Variants in PTPRD observed in about 807,000 individuals in gnomAD.
The protein encoded by PTPRD is protein tyrosine phosphatase receptor type D, also known as receptor-type tyrosine-protein phosphatase delta.
In PTPRD, 34 loss-of-function variants were observed where a neutral mutation model predicts 214.5. The ratio of observed to expected loss-of-function variants is 0.16; its 90% CI spans 0.12 to 0.21. The LOEUF is 0.21. Among genes scored for constraint, PTPRD ranks in the 10% least tolerant of loss-of-function variants. PTPRD has a pLI of 1.00. For synonymous variants in PTPRD, 1,128 were observed against 845.7 expected (o/e 1.33, Z -5.79); for missense variants, 2,545 against 2,398.7 (o/e 1.06, Z -1.27).
At chr9:10,368,494 G>C (rs2097554279) in intron 2 of PTPRD, among the ~76,000 whole-genome samples, 1 of 152,004 alleles carries the variant, frequency 6.6e-6, no homozygotes, top group African/African-American at 2.4e-5. Flanking sequence ...AATGCAATGG[G>C]TTTTGTTTAA....
At chr9:8,387,904 G>A (rs940223671) in intron 37 of PTPRD, among the ~76,000 whole-genome samples, 2 of 152,158 alleles carry the variant, frequency 1.3e-5, no homozygotes, top group South Asian at 4.1e-4. Context: ...TGATATATAG[G>A]AGTTACCTTA....
intron 7 of PTPRD, among the ~76,000 whole-genome samples, chr9:9,668,442 T>C (rs2096764878): frequency 6.6e-6 from 1 of 152,220 alleles, no homozygotes; most frequent in East Asian, 1.9e-4. Context: ...TTAGAATATA[T>C]TGTATTAATC....
intron 11 of PTPRD, among the ~76,000 whole-genome samples, chr9:8,948,031 T>C (rs2099076621): frequency 6.6e-6 from 1 of 151,136 alleles, no homozygotes; most frequent in South Asian, 2.1e-4. Flanking sequence ...CTTTTTTTTT[T>C]TTTTTTTGAG....
At position 9,784,037 on chromosome 9, in the gene PTPRD, T is replaced by C. The variant is rs1171287428; in HGVS notation, c.-367-17186A>G. 2.0e-5 allele frequency among the ~76,000 whole-genome samples: 3 copies of C among 152,026 alleles called. No homozygotes were observed. The East Asian group carries it at 5.8e-4, about 29-fold the overall frequency. On this transcript the variant is annotated intron_variant, in intron 5 of 45. Coordinates refer to ENST00000381196, the MANE Select transcript of PTPRD (RefSeq NM_002839.4). ...CAATAACTGCAGAAGTCACAAAACA[T>C]GAAAATGTAATTTGCATCAATATGT...
chr9:10,340,982 C>T lies in PTPRD; in HGVS notation c.-564G>A, dbSNP rs2096928949. On this transcript the variant is annotated 5_prime_UTR_variant, in exon 3 of 46. Coordinates refer to ENST00000381196, the MANE Select transcript of PTPRD (RefSeq NM_002839.4). ...ACTTACTAGTTGTGTGACTTTGAGA[C>T]AGGTCCTTTACTTCCTTGATTCTTC... 2 of 151,926 alleles carry T rather than the reference C, an allele frequency of 1.3e-5. No individual in the cohort carries two copies. The highest frequency in any genetic ancestry group is 4.1e-4 in the South Asian group (2 of 4,832). The allele number at this position is 151,926 out of a possible 1,614,324, so 9.4% of individuals were successfully genotyped here.
At chr9:10,572,924 C>T (rs1031026595) in intron 2 of PTPRD, among the ~76,000 whole-genome samples, 8 of 151,734 alleles carry the variant, frequency 5.3e-5, no homozygotes, top group African/African-American at 1.7e-4. Context: ...GCTGCTGATG[C>T]TTTTGTTTTA....
At chr9:9,799,710 A>G (rs2099026602) in intron 5 of PTPRD, 1 of 152,206 alleles carries the variant, frequency 6.6e-6, no homozygotes, top group Non-Finnish European at 1.5e-5. Context: ...TTAGGCTTCA[A>G]TAAAAGTTGG....
At chr9:8,996,516 C>A (rs1330546343) in intron 11 of PTPRD, among the ~76,000 whole-genome samples, 3 of 151,952 alleles carry the variant, frequency 2.0e-5, no homozygotes, top group African/African-American at 7.2e-5. Flanking sequence ...CTGTGGGGTG[C>A]CTTACCCCAT....
intron 10 of PTPRD, among the ~76,000 whole-genome samples, chr9:9,095,674 C>T (rs1187079187): frequency 1.3e-5 from 2 of 152,058 alleles, no homozygotes; most frequent in African/African-American, 4.8e-5. Flanking sequence ...TTGGGAGAAC[C>T]ATTATGGAAA....
At chr9:10,387,803 A>T (rs927008583) in intron 2 of PTPRD, among the ~76,000 whole-genome samples, 2 of 147,576 alleles carry the variant, frequency 1.4e-5, no homozygotes, top group Non-Finnish European at 3.0e-5. Flanking sequence ...CGATTTAAAA[A>T]AAAAAAAAGA....
intron 10 of PTPRD, among the ~76,000 whole-genome samples, chr9:9,165,206 C>G (rs2099900473): frequency 2.0e-5 from 3 of 152,040 alleles, no homozygotes; most frequent in South Asian, 2.1e-4. Context: ...AATCCATAGT[C>G]TAATAATGAA....
intron 11 of PTPRD, among the ~76,000 whole-genome samples, chr9:8,763,181 G>C (rs1383232705): frequency 1.3e-5 from 2 of 152,080 alleles, no homozygotes; most frequent in African/African-American, 2.4e-5. Context: ...TCATTTGTTA[G>C]CTTGAGACAG....
intron 44 of PTPRD, among the ~76,000 whole-genome samples, chr9:8,331,276 T>A (rs10976962): frequency 0.14 from 21,156 of 152,140 alleles, 1,932 homozygotes; most frequent in East Asian, 0.35. Flanking sequence ...ATGAAATGAT[T>A]AACAACGAAT....
intron 34 of PTPRD, among the ~76,000 whole-genome samples, chr9:8,443,512 C>T (rs935910305): frequency 6.6e-6 from 1 of 152,170 alleles, no homozygotes; most frequent in African/African-American, 2.4e-5. Flanking sequence ...GTTTTCACAG[C>T]CCATCAATCA....
At chr9:9,643,094 G>C (rs2096021612) in intron 7 of PTPRD, among the ~76,000 whole-genome samples, 1 of 152,184 alleles carries the variant, frequency 6.6e-6, no homozygotes, top group Non-Finnish European at 1.5e-5. Context: ...AGAGATTTGA[G>C]TTGGTAGATT....
chr9:10,119,963 T>G (rs1406896429), intron 3 of PTPRD, among the ~76,000 whole-genome samples: 1 of 152,052 alleles, frequency 6.6e-6, no homozygotes, highest in African/African-American at 2.4e-5. Context: ...TTCCTTCAAG[T>G]GTTTATTATT....
chr9:10,248,533 AAAT>A (rs1564779419), intron 3 of PTPRD, among the ~76,000 whole-genome samples: 5 of 127,376 alleles, frequency 3.9e-5, no homozygotes, highest in Non-Finnish European at 7.9e-5. Flanking sequence ...AAAATAAAAA[AAAT>A]AAAGCGAGAA....
At chr9:10,530,360 A>G (rs1156979120) in intron 2 of PTPRD, among the ~76,000 whole-genome samples, 1 of 152,196 alleles carries the variant, frequency 6.6e-6, no homozygotes, top group East Asian at 1.9e-4. Flanking sequence ...ATAATTTACG[A>G]AAAAGTAAGA....
At chr9:9,452,635 T>C (rs1465346655) in intron 8 of PTPRD, among the ~76,000 whole-genome samples, 1 of 151,318 alleles carries the variant, frequency 6.6e-6, no homozygotes, top group African/African-American at 2.4e-5. Flanking sequence ...TTAAATTACT[T>C]TGAGCATTAA....
Sources: allele counts gnomAD v4.1 joint callset (sites outside exome capture counted in the v4.1 genomes callset), GRCh38; gene constraint gnomAD v4.1.1; transcripts MANE v1.5; gene names NCBI Gene and HGNC (gene_info 2026-07-23, HGNC 2026-07-21).